The following NEGR1 variants were observed in gnomAD, a reference collection of about 807,000 sequenced individuals.
The protein encoded by NEGR1 is IgLON family member 4.
NEGR1 carries 10 observed loss-of-function variants against 40.9 expected under a neutral mutation model. The observed-to-expected ratio is 0.24, with a 90% CI of 0.15 to 0.42. The LOEUF (loss-of-function observed/expected upper bound fraction) is 0.42, where lower values mean the gene tolerates loss of function less well. Among genes scored for constraint, NEGR1 ranks in the 10% least tolerant of loss-of-function variants. NEGR1 has a pLI of 1.00. For missense variants in NEGR1, 352 were observed against 438.9 expected (o/e 0.80, Z 1.77); for synonymous variants, 185 against 166.8 (o/e 1.11, Z -0.84).
At position 71,779,233 on chromosome 1, in the gene NEGR1, T is replaced by C. The variant is rs148291190; in HGVS notation, c.410-2936A>G. ...TTGCTTTGCTGAATATTCAGAACTA[T>C]TGCATATTCAGTTTAAGCCTTCCAA... On this transcript the variant is annotated intron_variant, in intron 2 of 6. Transcript: ENST00000357731. 3.3e-5 allele frequency among the ~76,000 whole-genome samples: 5 copies of C among 152,308 alleles called. No individual in the cohort carries two copies. In the East Asian group the frequency reaches 7.7e-4, roughly 24 times the overall value.
intron 6 of NEGR1, among the ~76,000 whole-genome samples, chr1:71,587,056 A>G (rs546849247): frequency 1.3e-5 from 2 of 152,238 alleles, no homozygotes; most frequent in East Asian, 3.9e-4. Context: ...AACCAAAATG[A>G]AAACCCCATC....
At chr1:71,460,338 A>G (rs1434141199) in intron 6 of NEGR1, among the ~76,000 whole-genome samples, 1 of 152,150 alleles carries the variant, frequency 6.6e-6, no homozygotes, top group African/African-American at 2.4e-5. Context: ...GGCCTGAGTT[A>G]AGGTAAGGCA....
chr1:71,633,748 C>T (rs967470613), intron 4 of NEGR1, among the ~76,000 whole-genome samples: 27 of 152,098 alleles, frequency 1.8e-4, no homozygotes, highest in Admixed American at 1.0e-3. Flanking sequence ...TTGGCCCCTT[C>T]GCTTTCTTTT....
intron 3 of NEGR1, among the ~76,000 whole-genome samples, chr1:71,748,838 G>A (rs1655472230): frequency 6.6e-6 from 1 of 151,946 alleles, no homozygotes; most frequent in Non-Finnish European, 1.5e-5. Context: ...GGTCTATAAA[G>A]GACTGTAATA....
chr1:71,500,505 T>C (rs1195538211), intron 6 of NEGR1, among the ~76,000 whole-genome samples: 1 of 152,100 alleles, frequency 6.6e-6, no homozygotes, highest in Non-Finnish European at 1.5e-5. Flanking sequence ...CCGATCTTCT[T>C]TGCCTGTGTA....
chr1:71,950,883 C>A (rs969448804), intron 1 of NEGR1, among the ~76,000 whole-genome samples: 7 of 151,918 alleles, frequency 4.6e-5, no homozygotes, highest in African/African-American at 1.7e-4. Context: ...TATACACTTG[C>A]ATCTTTTCTG....
Position 71,593,458 on chromosome 1 carries a change from G to T in NEGR1, c.789-490C>A, listed in dbSNP as rs1649573583. The stretch of plus-strand genomic sequence containing the variant: ...GTGATAGGATAGTTCTGAGTCCAGA[G>T]TCAACACCACTTTACTCTTGTACAA... On this transcript the variant is annotated intron_variant, in intron 5 of 6. Coordinates refer to ENST00000357731, the MANE Select transcript of NEGR1 (RefSeq NM_173808.3). Among the ~76,000 whole-genome samples the T allele has an allele frequency of 2.0e-5, 3 of 152,236 alleles. No homozygotes were observed. In the South Asian group the frequency reaches 6.2e-4, roughly 32 times the overall value.
intron 2 of NEGR1, among the ~76,000 whole-genome samples, chr1:71,888,376 T>G (rs891278122): frequency 2.6e-4 from 39 of 152,176 alleles, no homozygotes; most frequent in South Asian, 8.3e-4. Context: ...TGCGCGAGCC[T>G]AAGCAGGGCG....
chr1:71,993,480 C>T (rs554347884), intron 1 of NEGR1, among the ~76,000 whole-genome samples: 1 of 152,134 alleles, frequency 6.6e-6, no homozygotes, highest in African/African-American at 2.4e-5. Context: ...AAAATTTACT[C>T]GTTAAAATAA....
intron 6 of NEGR1, chr1:71,486,286 A>C (rs1287982788): frequency 6.6e-6 from 1 of 151,672 alleles, no homozygotes; most frequent in Non-Finnish European, 1.5e-5. Context: ...CCCATTTAAA[A>C]AAATCAGATT....
rs147466047 is a variant in NEGR1 at position 71,638,031 on chromosome 1, A to G, written c.668-26885T>C. On this transcript the variant is annotated intron_variant, in intron 4 of 6. Transcript: ENST00000357731. ...TGAGAAAGCTGAAGCTAGAGAGGTT[A>G]AGGAATCTTCCCAAGCTCACGTAGC... Among the ~76,000 whole-genome samples the G allele has an allele frequency of 2.5e-4, 38 of 152,206 alleles. No homozygotes were observed. In the East Asian group the frequency reaches 7.0e-3, roughly 28 times the overall value.
intron 2 of NEGR1, among the ~76,000 whole-genome samples, chr1:71,843,261 G>T (rs1246121981): frequency 6.6e-6 from 1 of 152,034 alleles, no homozygotes; most frequent in Non-Finnish European, 1.5e-5. Context: ...CACAGAAACA[G>T]GGGCTCTCTA....
At chr1:71,408,337 A>G (rs904004230) in intron 6 of NEGR1, among the ~76,000 whole-genome samples, 1 of 152,072 alleles carries the variant, frequency 6.6e-6, no homozygotes, top group East Asian at 1.9e-4. Context: ...AATGACCTCT[A>G]CTGTAATGAA....
intron 6 of NEGR1, among the ~76,000 whole-genome samples, chr1:71,482,430 C>T (rs1174609176): frequency 6.6e-6 from 1 of 151,702 alleles, no homozygotes; most frequent in Non-Finnish European, 1.5e-5. Flanking sequence ...AATATGTTTA[C>T]CCGGCTCACA....
At position 71,721,223 on chromosome 1, in the gene NEGR1, C is replaced by T. The variant is rs61585176; in HGVS notation, c.536-23084G>A. Among the ~76,000 whole-genome samples the T allele has an allele frequency of 5.2e-3, 798 of 152,204 alleles. 7 individuals are homozygous for T. The highest frequency in any genetic ancestry group is 0.018 in the African/African-American group (765 of 41,528). On this transcript the variant is annotated intron_variant, in intron 3 of 6. Transcript: ENST00000357731. ...CACCATTTTTTTCTTTGAAAACTTACAAAAAGTCGAATCCCTTGTCCTTGA... is the reference window on the plus strand; with the variant it reads ...CACCATTTTTTTCTTTGAAAACTTATAAAAAGTCGAATCCCTTGTCCTTGA...
At chr1:71,612,249 T>G (rs191837230) in intron 4 of NEGR1, among the ~76,000 whole-genome samples, 38 of 152,214 alleles carry the variant, frequency 2.5e-4, no homozygotes, top group African/African-American at 8.9e-4. Flanking sequence ...AAAAGAAATG[T>G]ATTGCACTGT....
chr1:72,043,867 T>C lies in NEGR1; in HGVS notation c.177-108556A>G, dbSNP rs978222519. Among the ~76,000 whole-genome samples, 13 of 151,912 alleles carry C rather than the reference T, an allele frequency of 8.6e-5. No individual in the cohort carries two copies. In the East Asian group the frequency reaches 2.3e-3, roughly 27 times the overall value. On this transcript the variant is annotated intron_variant, in intron 1 of 6. Coordinates refer to ENST00000357731, the MANE Select transcript of NEGR1 (RefSeq NM_173808.3). ...GACAATACAATACTCCTGGATATTTTGGTTGGACTTCCAGGACTGCTATTT... is the reference window on the plus strand; with the variant it reads ...GACAATACAATACTCCTGGATATTTCGGTTGGACTTCCAGGACTGCTATTT...
At chr1:72,238,653 T>C (rs1654639091) in intron 1 of NEGR1, among the ~76,000 whole-genome samples, 2 of 151,804 alleles carry the variant, frequency 1.3e-5, no homozygotes, top group Admixed American at 1.3e-4. Context: ...GTGATAGAAA[T>C]CCTTGGATCC....
intron 1 of NEGR1, among the ~76,000 whole-genome samples, chr1:72,105,747 G>A (rs1384616073): frequency 6.6e-6 from 1 of 152,000 alleles, no homozygotes; most frequent in Non-Finnish European, 1.5e-5. Flanking sequence ...CAAAGGAATG[G>A]GTAGGGAAAG....
Sources: allele counts gnomAD v4.1 joint callset (sites outside exome capture counted in the v4.1 genomes callset), GRCh38; gene constraint gnomAD v4.1.1; transcripts MANE v1.5; gene names NCBI Gene and HGNC (gene_info 2026-07-23, HGNC 2026-07-21).